Variants in MID1 observed in about 807,000 individuals in gnomAD.
The protein encoded by MID1 is midline 1.
Under a neutral mutation model 40.4 loss-of-function variants are expected in MID1, and 7 were observed. The ratio of observed to expected loss-of-function variants is 0.17; its 90% confidence interval spans 0.10 to 0.33. The LOEUF (loss-of-function observed/expected upper bound fraction) is 0.33. MID1 is among the 10% of genes least tolerant of loss of function. The pLI is 1.00. For synonymous variants in MID1, 229 were observed against 221.2 expected, an observed-to-expected ratio of 1.04 and a Z score of -0.31; for missense variants, 367 against 558.5, an observed-to-expected ratio of 0.66 and a Z score of 3.46.
At chrX:10,585,547 A>G (rs1266557353) in intron 1 of MID1, among the ~76,000 whole-genome samples, 1 of 111,986 alleles carries the variant, frequency 8.9e-6, no homozygotes, top group East Asian at 2.8e-4. Flanking sequence ...GAGCGTTTAT[A>G]AACTTTTCCT....
At chrX:10,598,578 G>A (rs189084491) in intron 1 of MID1, among the ~76,000 whole-genome samples, 1 of 112,279 alleles carries the variant, frequency 8.9e-6, no homozygotes, top group East Asian at 2.8e-4. Context: ...GATGAAAGAG[G>A]AATTTAGAGA....
intron 1 of MID1, among the ~76,000 whole-genome samples, chrX:10,724,498 T>C (rs1427762552): frequency 1.8e-5 from 2 of 111,716 alleles, no homozygotes; most frequent in African/African-American, 6.5e-5. Context: ...ATGATGAGAA[T>C]TGATTATAGC....
At chrX:10,619,762 G>GA (rs1344498487) in intron 1 of MID1, among the ~76,000 whole-genome samples, 1 of 112,288 alleles carries the variant, frequency 8.9e-6, no homozygotes, top group Non-Finnish European at 1.9e-5. Flanking sequence ...TGCTAGAACA[G>GA]AAAAACAAAT....
At chrX:10,456,205 G>C (rs889197197) in intron 8 of MID1, among the ~76,000 whole-genome samples, 1 of 112,451 alleles carries the variant, frequency 8.9e-6, no homozygotes, top group Non-Finnish European at 1.9e-5. Context: ...TCACATGTGG[G>C]TAGGCCAAAG....
At chrX:10,501,039 G>A (rs970742800) in intron 3 of MID1, among the ~76,000 whole-genome samples, 2 of 111,766 alleles carry the variant, frequency 1.8e-5, no homozygotes, top group East Asian at 2.8e-4. Flanking sequence ...GGCCGGGCGC[G>A]GTGGCTCACG....
intron 3 of MID1, among the ~76,000 whole-genome samples, chrX:10,500,907 G>C (rs1931507725): frequency 8.9e-6 from 1 of 112,042 alleles, no homozygotes. Flanking sequence ...GCAAGAGTGA[G>C]ATGAAGATAA....
At position 10,482,557 on chromosome X, in the gene MID1, G is replaced by A. The variant is rs1273839473; in HGVS notation, c.936C>T (p.Leu312=). The change falls in exon 5 of 10, where the codon CTC becomes CTT. Residue 312 remains leucine, a synonymous_variant. Coordinates refer to ENST00000317552, the MANE Select transcript of MID1 (RefSeq NM_000381.4). Reference sequence around the variant, plus strand: ...TCAGAGAGTGTTCCGCTTGGGAGATGAGTGATGCTGACCGCTCAATGCACT... The same window carrying A: ...TCAGAGAGTGTTCCGCTTGGGAGATAAGTGATGCTGACCGCTCAATGCACT... ...CKQCIERSAS[L]ISQAEHSLKE... The A allele has an allele frequency of 2.5e-6, 3 of 1,208,465 alleles. No individual in the cohort carries two copies. The African/African-American group carries it at 5.2e-5, about 21-fold the overall frequency.
intron 1 of MID1, among the ~76,000 whole-genome samples, chrX:10,832,114 C>T (rs1279614674): frequency 8.9e-6 from 1 of 112,635 alleles, no homozygotes; most frequent in African/African-American, 3.2e-5. Context: ...TTCTGTTCTG[C>T]GGCTTGTGCT....
At chrX:10,493,799 T>C (rs1931083704) in intron 4 of MID1, among the ~76,000 whole-genome samples, 1 of 112,260 alleles carries the variant, frequency 8.9e-6, no homozygotes, top group Non-Finnish European at 1.9e-5. Flanking sequence ...ACTCCATAAA[T>C]ATAAATGTTT....
intron 1 of MID1, among the ~76,000 whole-genome samples, chrX:10,638,356 A>T (rs1376600895): frequency 2.7e-5 from 3 of 112,276 alleles, no homozygotes; most frequent in Non-Finnish European, 5.6e-5. Flanking sequence ...CCAGGAGATT[A>T]TATCCTGCGC....
chrX:10,832,025 C>T (rs780267510), intron 1 of MID1, among the ~76,000 whole-genome samples: 2 of 112,420 alleles, frequency 1.8e-5, no homozygotes, highest in Non-Finnish European at 3.8e-5. Context: ...TGACTCCCAT[C>T]GACAGCAACA....
chrX:10,625,855 A>G (rs1043560343), intron 1 of MID1, among the ~76,000 whole-genome samples: 3 of 111,837 alleles, frequency 2.7e-5, no homozygotes, highest in Non-Finnish European at 5.6e-5. Context: ...TGGGACCCAG[A>G]AAATAGAGGA....
intron 1 of MID1, among the ~76,000 whole-genome samples, chrX:10,669,920 G>A (rs1555913925): frequency 8.9e-6 from 1 of 111,959 alleles, no homozygotes; most frequent in Non-Finnish European, 1.9e-5. Flanking sequence ...CTAGTTTGCT[G>A]TTCCAAATGA....
At chrX:10,622,993 T>C (rs1335335054), upstream of MID1, among the ~76,000 whole-genome samples, 6 of 106,024 alleles carry the variant, frequency 5.7e-5, no homozygotes, top group Non-Finnish European at 9.6e-5. Context: ...CCTGTAATCC[T>C]AGAACTTTTG....
intron 1 of MID1, among the ~76,000 whole-genome samples, chrX:10,612,852 G>A (rs147296506): frequency 0.02 from 2,178 of 109,563 alleles, 52 homozygotes; most frequent in African/African-American, 0.069. Flanking sequence ...TTAGCTTCTA[G>A]GTGTAGAACC....
chrX:10,726,121 C>G, intron 1 of MID1, among the ~76,000 whole-genome samples: 1 of 111,600 alleles, frequency 9.0e-6, no homozygotes, highest in Non-Finnish European at 1.9e-5. Context: ...ATTATACGTT[C>G]TGAGATTTTT....
chrX:10,729,192 A>G (rs1328012913), intron 1 of MID1, among the ~76,000 whole-genome samples: 1 of 111,839 alleles, frequency 8.9e-6, no homozygotes, highest in Non-Finnish European at 1.9e-5. Flanking sequence ...GCTCCTGCAG[A>G]CAAACTGGGA....
At chrX:10,470,281 T>A (rs1434842789) in intron 6 of MID1, among the ~76,000 whole-genome samples, 1 of 112,044 alleles carries the variant, frequency 8.9e-6, no homozygotes, top group South Asian at 3.7e-4. Flanking sequence ...TCTGCCATTG[T>A]AGCATGAAAA....
At chrX:10,720,463 G>A (rs1476946285) in intron 1 of MID1, among the ~76,000 whole-genome samples, 1 of 112,139 alleles carries the variant, frequency 8.9e-6, no homozygotes, top group East Asian at 2.8e-4. Context: ...ATCATCACTG[G>A]CCATCAGAGA....
Sources: gnomAD v4.1 joint callset for allele counts (sites outside exome capture counted in the v4.1 genomes callset) on GRCh38, gnomAD v4.1.1 for gene constraint, MANE v1.5 for transcripts, NCBI Gene and HGNC (gene_info 2026-07-23, HGNC 2026-07-21) for gene names.